The following HFM1 variants were observed in gnomAD, a reference collection of about 807,000 sequenced individuals.
The protein encoded by HFM1 is helicase for meiosis 1.
Under a neutral mutation model 192.1 loss-of-function variants are expected in HFM1, and 169 were observed. That is an observed-to-expected ratio of 0.88 (90% confidence interval 0.78 to 1.00). The LOEUF (loss-of-function observed/expected upper bound fraction) is 1.00. HFM1 is among the 50% of genes least tolerant of loss of function. The probability of loss-of-function intolerance (pLI) is 0.00; values close to 1 mark genes in which losing one functional copy is unlikely to be tolerated. For synonymous variants in HFM1, 525 were observed against 537.8 expected (o/e 0.98, Z 0.33); for missense variants, 1,661 against 1,668.0 (o/e 1.00, Z 0.07).
chr1:91,366,350 C>T (rs574031034), intron 13 of HFM1, among the ~76,000 whole-genome samples: 1 of 152,166 alleles, frequency 6.6e-6, no homozygotes, highest in Non-Finnish European at 1.5e-5. Context: ...TCTCTCAAAA[C>T]TGCCTTCAGA....
chr1:91,358,882 C>T (rs1658092491), intron 13 of HFM1, among the ~76,000 whole-genome samples: 1 of 152,102 alleles, frequency 6.6e-6, no homozygotes. Context: ...TCAGTACTCC[C>T]TGGGGATGGA....
At chr1:91,262,059 GTA>G in intron 38 of HFM1, 180 bp downstream of exon 38, 1 of 373,036 alleles carries the variant, frequency 2.7e-6, no homozygotes, top group Non-Finnish European at 4.9e-6. Context: ...AAAAACTGAG[GTA>G]TATGATGTTT....
chr1:91,376,155 A>G (rs1252014082), intron 11 of HFM1, among the ~76,000 whole-genome samples: 1 of 151,994 alleles, frequency 6.6e-6, no homozygotes, highest in Admixed American at 6.6e-5. Flanking sequence ...TAGTTGGTTT[A>G]GGTTGGCAAG....
chr1:91,314,946 T>G (rs1310759807), intron 28 of HFM1, among the ~76,000 whole-genome samples: 1 of 152,190 alleles, frequency 6.6e-6, no homozygotes, highest in African/African-American at 2.4e-5. Flanking sequence ...TGCGACTTTT[T>G]GGGAAGGTAT....
Position 91,375,868 on chromosome 1 carries a change from T to C in HFM1, c.1396-141A>G, listed in dbSNP as rs975287571. 5.9e-5 allele frequency: 38 copies of C among 639,084 alleles called. No individual in the cohort carries two copies. In the African/African-American group the frequency reaches 6.1e-4, roughly 10 times the overall value. 39.6% of individuals were successfully genotyped at this position (639,084 alleles called of 1,614,324 possible). ...TGCTGTCTTTTTCAATATTACATAT[T>C]CCATTAATATTATTCTGTTGATATA... On this transcript the variant is annotated intron_variant, in intron 11 of 38. Coordinates refer to ENST00000370425, the MANE Select transcript of HFM1 (RefSeq NM_001017975.6).
rs949164234 is a variant in HFM1, at chr1:91,351,777, A to G, written c.1978-134T>C. On this transcript the variant is annotated intron_variant, in intron 16 of 38. Transcript: ENST00000370425. ...ATAATACTTCAAAAAGGCCTTAAAAATGCTCTCATTTTTTTAACCTAAAAT... is the reference window on the plus strand; with the variant it reads ...ATAATACTTCAAAAAGGCCTTAAAAGTGCTCTCATTTTTTTAACCTAAAAT... 4 of 417,270 alleles carry G rather than the reference A, an allele frequency of 9.6e-6. No homozygotes were observed. The Admixed American group carries it at 1.7e-4, about 18-fold the overall frequency. The allele number at this position is 417,270 out of a possible 1,614,324, so 25.8% of individuals were successfully genotyped here. A position where few individuals can be genotyped will look rare whatever the true frequency, so the allele number is the denominator to read the frequency against.
At chr1:91,343,255 T>TAAAAAA (rs1655635998) in intron 20 of HFM1, among the ~76,000 whole-genome samples, 175 bp downstream of exon 20, 1 of 85,840 alleles carries the variant, frequency 1.2e-5, no homozygotes. Flanking sequence ...AAAAAAAAAC[T>TAAAAAA]ATTACAAATA....
rs1437790398 is a variant in HFM1, at chr1:91,319,128, C to CATTT, written c.2761_2762insAAAT (p.Cys921Ter). The CATTT allele has an allele frequency of 1.9e-6, 3 of 1,610,880 alleles. No homozygotes were observed. In the African/African-American group the frequency reaches 4.0e-5, roughly 22 times the overall value. ...ATGCAGAGAGTTTTCCCAAAGTTTACACCTAAAACATTTAGCTAAAATCAA... is the reference window on the plus strand; with the variant it reads ...ATGCAGAGAGTTTTCCCAAAGTTTACATTTACCTAAAACATTTAGCTAAAATCAA... On this transcript the variant is annotated stop_gained and frameshift_variant, in exon 25 of 39. Transcript: ENST00000370425. LOFTEE classifies it high-confidence loss of function.
intron 32 of HFM1, among the ~76,000 whole-genome samples, chr1:91,275,247 TGCTGGGATTACA>T (rs1304066141): frequency 6.6e-6 from 1 of 152,182 alleles, no homozygotes; most frequent in Admixed American, 6.5e-5. Context: ...CCTCCCAAAG[TGCTGGGATTACA>T]GGCGTGAGCC....
intron 30 of HFM1, among the ~76,000 whole-genome samples, chr1:91,304,003 C>A (rs779396572): frequency 2.0e-5 from 3 of 151,994 alleles, no homozygotes; most frequent in Non-Finnish European, 2.9e-5. Context: ...TACAGGCGTG[C>A]ACCAACACGC....
intron 30 of HFM1, among the ~76,000 whole-genome samples, chr1:91,297,150 C>T (rs779626433): frequency 4.6e-5 from 7 of 152,186 alleles, no homozygotes; most frequent in East Asian, 1.9e-4. Flanking sequence ...TTATATCACG[C>T]GCCTGGCTCG....
intron 30 of HFM1, among the ~76,000 whole-genome samples, chr1:91,279,162 T>G (rs896570281): frequency 3.9e-5 from 6 of 152,130 alleles, no homozygotes; most frequent in Non-Finnish European, 5.9e-5. Flanking sequence ...TATAATAAGA[T>G]TCTGAAATCC....
chr1:91,264,124 C>T (rs1183280069), intron 36 of HFM1, among the ~76,000 whole-genome samples: 1 of 151,966 alleles, frequency 6.6e-6, no homozygotes, highest in African/African-American at 2.4e-5. Context: ...GAAATCCTAA[C>T]ATGGAACAAG....
rs1432105905 is a variant in HFM1 at position 91,356,997 on chromosome 1, C to A, written c.1686-3698G>T. On this transcript the variant is annotated intron_variant, in intron 13 of 38. Coordinates refer to ENST00000370425, the MANE Select transcript of HFM1 (RefSeq NM_001017975.6). ...CAACAAGGAAAAGCCCAGAACCAGA[C>A]AGCATCACAACTGAATTCTACCAAA... 2.0e-5 allele frequency among the ~76,000 whole-genome samples: 3 copies of A among 152,092 alleles called. No homozygotes were observed. The East Asian group carries it at 5.8e-4, about 29-fold the overall frequency.
chr1:91,350,932 A>G lies in HFM1; in HGVS notation c.2073-61T>C, dbSNP rs139961019. 1,915 of 1,340,736 alleles carry G rather than the reference A, an allele frequency of 1.4e-3. 18 individuals carry two copies. The East Asian group carries it at 0.023, about 16-fold the overall frequency. The allele number at this position is 1,340,736 out of a possible 1,614,324, so 83.1% of individuals were successfully genotyped here. A position where few individuals can be genotyped will look rare whatever the true frequency, so the allele number is the denominator to read the frequency against. On this transcript the variant is annotated intron_variant, in intron 17 of 38. Transcript: ENST00000370425. The stretch of plus-strand genomic sequence containing the variant: ...TTCAATGCCATAACTCTTACTTTTT[A>G]ACTTTAATAATATAGAATATACCCA...
intron 30 of HFM1, among the ~76,000 whole-genome samples, chr1:91,308,334 CA>C (rs796759496): frequency 4.3e-4 from 65 of 152,210 alleles, no homozygotes; most frequent in African/African-American, 1.5e-3. Flanking sequence ...TCAAAGCCCA[CA>C]AATCCTATAT....
intron 30 of HFM1, among the ~76,000 whole-genome samples, chr1:91,291,329 A>G (rs1031447267): frequency 6.6e-6 from 1 of 152,172 alleles, no homozygotes; most frequent in Non-Finnish European, 1.5e-5. Flanking sequence ...AAGAAAAGAG[A>G]GAAGAATCAA....
chr1:91,350,438 G>A lies in HFM1; in HGVS notation c.2206+300C>T, dbSNP rs188682858. Among the ~76,000 whole-genome samples, 23 of 152,164 alleles carry A rather than the reference G, an allele frequency of 1.5e-4. No individual in the cohort carries two copies. In the East Asian group the frequency reaches 4.4e-3, roughly 29 times the overall value. On this transcript the variant is annotated intron_variant, in intron 18 of 38. Transcript: ENST00000370425. The stretch of plus-strand genomic sequence containing the variant: ...GTACAGAAAAAATTCAAAACTTTTT[G>A]TAACTAACTTATTTTCAATGATTTA...
At chr1:91,364,784 C>A (rs1659056105) in intron 13 of HFM1, among the ~76,000 whole-genome samples, 1 of 151,316 alleles carries the variant, frequency 6.6e-6, no homozygotes, top group Non-Finnish European at 1.5e-5. Flanking sequence ...CAGGCACCAG[C>A]CACCACGCCC....
Sources: gnomAD v4.1 joint callset for allele counts (sites outside exome capture counted in the v4.1 genomes callset) on GRCh38, gnomAD v4.1.1 for gene constraint, MANE v1.5 for transcripts, NCBI Gene and HGNC (gene_info 2026-07-23, HGNC 2026-07-21) for gene names.